The following KDM7A variants were observed in gnomAD, a reference collection of about 807,000 sequenced individuals.
KDM7A encodes lysine-specific demethylase 7A.
In KDM7A, 28 loss-of-function variants were observed where a neutral mutation model predicts 114.8. The ratio of observed to expected loss-of-function variants is 0.24; its 90% CI spans 0.18 to 0.33. KDM7A has a LOEUF of 0.33. Among genes scored for constraint, KDM7A ranks in the 10% least tolerant of loss-of-function variants. The pLI, the probability that KDM7A is intolerant of heterozygous loss-of-function variation, is 1.00. For synonymous variants in KDM7A, 423 were observed against 397.8 expected (o/e 1.06, Z -0.75); for missense variants, 942 against 1,142.5 (o/e 0.82, Z 2.53).
intron 2 of KDM7A, among the ~76,000 whole-genome samples, 157 bp downstream of exon 2, chr7:140,138,948 C>G (rs1021437971): frequency 2.0e-5 from 3 of 152,030 alleles, no homozygotes; most frequent in African/African-American, 7.2e-5. Flanking sequence ...GAAACAAAAA[C>G]TACATCCTAA....
At chr7:140,114,906 TCTGAGAAGTGAGGAGCCCCTCCGCCC>T (rs1818495475) in intron 9 of KDM7A, among the ~76,000 whole-genome samples, 3 of 147,158 alleles carry the variant, frequency 2.0e-5, no homozygotes, top group Admixed American at 6.7e-5. Context: ...AGCCGCCCCG[TCTGAGAAGTGAGGAGCCCCTCCGCCC>T]GGAAGCCGCC....
Position 140,096,587 on chromosome 7 carries a change from T to G in KDM7A, c.2342A>C (p.Gln781Pro). 1 of 1,614,222 alleles carries G rather than the reference T, an allele frequency of 6.2e-7. No individual in the cohort carries two copies. The highest frequency in any genetic ancestry group is 2.2e-5 in the East Asian group (1 of 44,888). Residue 781 changes from glutamine to proline, a missense_variant, in exon 17 of 20, where the codon CAG (glutamine) becomes CCG (proline). By Grantham distance (76) the Gln-to-Pro change is moderately conservative. Around this residue, in one of 4 missense-constraint regions of KDM7A, gnomAD observed 512 missense variants for 576.6 expected, o/e 0.89. Transcript: ENST00000397560. ...SCHGSNHEVR[Q>P]LYRYDKPVEC... ...CACTGGTTTATCATAGCGATACAAC[T>G]GCCTAACCTCATGGTTACTGCCATG...
Position 140,091,012 on chromosome 7 carries a change from G to T in KDM7A, c.*82C>A. The stretch of plus-strand genomic sequence containing the variant: ...CTTACTATACACACAAACTGCTCCA[G>T]GCAGGGGGACAGCGGAAGCTCCAGG... On this transcript the variant is annotated 3_prime_UTR_variant, in exon 20 of 20. Coordinates refer to ENST00000397560, the MANE Select transcript of KDM7A (RefSeq NM_030647.2). The T allele has an allele frequency of 1.0e-6, 1 of 959,534 alleles. No individual in the cohort carries two copies. The highest frequency in any genetic ancestry group is 1.7e-6 in the Non-Finnish European group (1 of 589,114). The allele number at this position is 959,534 out of a possible 1,614,324, so 59.4% of individuals were successfully genotyped here.
intron 1 of KDM7A, among the ~76,000 whole-genome samples, chr7:140,169,081 C>T (rs868783606): frequency 1.3e-5 from 2 of 152,180 alleles, no homozygotes; most frequent in Non-Finnish European, 2.9e-5. Flanking sequence ...TAATACCAGA[C>T]CTTGGTTTCT....
intron 1 of KDM7A, among the ~76,000 whole-genome samples, chr7:140,154,499 T>TAAAAAAAAAAA (rs397974321): frequency 1.1e-4 from 8 of 74,206 alleles, no homozygotes; most frequent in African/African-American, 9.7e-5. Context: ...CTCTTAAAAT[T>TAAAAAAAAAAA]AAAAAAAAAA....
chr7:140,106,614 T>A (rs1158072549), intron 11 of KDM7A, among the ~76,000 whole-genome samples: 1 of 152,250 alleles, frequency 6.6e-6, no homozygotes, highest in Non-Finnish European at 1.5e-5. Flanking sequence ...AGTTTCTTAA[T>A]CCTGAGTTCT....
At chr7:140,125,500 G>C (rs1818684824) in intron 6 of KDM7A, among the ~76,000 whole-genome samples, 1 of 152,222 alleles carries the variant, frequency 6.6e-6, no homozygotes, top group South Asian at 2.1e-4. Flanking sequence ...CACATGGCTA[G>C]TGGCAACTGT....
intron 11 of KDM7A, among the ~76,000 whole-genome samples, chr7:140,109,875 C>G (rs892547860): frequency 6.6e-6 from 1 of 152,174 alleles, no homozygotes; most frequent in South Asian, 2.1e-4. Context: ...CCCAAATTAT[C>G]CACTAGAAGA....
intron 1 of KDM7A, among the ~76,000 whole-genome samples, chr7:140,162,701 C>T (rs572670472): frequency 3.3e-5 from 5 of 152,082 alleles, no homozygotes; most frequent in Non-Finnish European, 5.9e-5. Flanking sequence ...AAAACAATTT[C>T]AAAATGGATA....
Position 140,130,553 on chromosome 7 carries a change from G to A in KDM7A, c.399-900C>T, listed in dbSNP as rs377420640. On this transcript the variant is annotated intron_variant, in intron 3 of 19. Transcript: ENST00000397560. ...GGAGAATCGCTTGAACCTGGGAGAC[G>A]GAGGTTGCAGTGAGCCGAGATCTCA... Among the ~76,000 whole-genome samples, 13 of 148,264 alleles carry A rather than the reference G, an allele frequency of 8.8e-5. No homozygotes were observed. The East Asian group carries it at 1.4e-3, about 16-fold the overall frequency.
At chr7:140,150,827 CTTTTTTT>C (rs922394260) in intron 1 of KDM7A, among the ~76,000 whole-genome samples, 9 of 127,866 alleles carry the variant, frequency 7.0e-5, no homozygotes, top group African/African-American at 2.3e-4. Flanking sequence ...AATCTCTGTT[CTTTTTTT>C]TTTTTTTTTT....
At chr7:140,110,401 T>C (rs1439050363) in intron 11 of KDM7A, among the ~76,000 whole-genome samples, 2 of 152,186 alleles carry the variant, frequency 1.3e-5, no homozygotes, top group African/African-American at 2.4e-5. Flanking sequence ...ATTCTATCCA[T>C]TGATATTAAA....
chr7:140,107,952 T>C (rs1818367309), intron 11 of KDM7A, among the ~76,000 whole-genome samples: 1 of 152,220 alleles, frequency 6.6e-6, no homozygotes, highest in Non-Finnish European at 1.5e-5. Context: ...CCCATATTTC[T>C]TGGAGGCTTT....
At chr7:140,136,228 T>C (rs1166144389) in intron 2 of KDM7A, among the ~76,000 whole-genome samples, 1 of 152,240 alleles carries the variant, frequency 6.6e-6, no homozygotes, top group Non-Finnish European at 1.5e-5. Flanking sequence ...ATTTCTCACA[T>C]GGAGTTGTTA....
intron 2 of KDM7A, among the ~76,000 whole-genome samples, chr7:140,133,941 T>C (rs113571348): frequency 1.1e-4 from 16 of 152,330 alleles, no homozygotes; most frequent in African/African-American, 3.8e-4. Flanking sequence ...TCCACACTTA[T>C]AGATACTATA....
At chr7:140,172,944 C>T (rs141710234) in intron 1 of KDM7A, among the ~76,000 whole-genome samples, 8 of 152,126 alleles carry the variant, frequency 5.3e-5, no homozygotes, top group Admixed American at 3.3e-4. Context: ...CTGTACTTTC[C>T]GATTTTTCCT....
intron 17 of KDM7A, chr7:140,094,801 T>C (rs1818077530): frequency 6.6e-6 from 1 of 152,228 alleles, no homozygotes; most frequent in South Asian, 2.1e-4. Context: ...CCTCAAAGAC[T>C]GTCTTTATAT....
At chr7:140,135,048 A>AC (rs1471384790) in intron 2 of KDM7A, among the ~76,000 whole-genome samples, 1 of 141,820 alleles carries the variant, frequency 7.1e-6, no homozygotes, top group Non-Finnish European at 1.6e-5. Flanking sequence ...AAAAAAAAAA[A>AC]AAAACAAACT....
At chr7:140,102,703 C>A (rs1818253095) in intron 11 of KDM7A, among the ~76,000 whole-genome samples, 1 of 152,186 alleles carries the variant, frequency 6.6e-6, no homozygotes, top group Admixed American at 6.5e-5. Context: ...TTATTAAAGG[C>A]TGTGTTGCAT....
Sources: gnomAD v4.1 joint callset for allele counts (sites outside exome capture counted in the v4.1 genomes callset) on GRCh38, gnomAD v4.1.1 for gene constraint, gnomAD v4.1.1 regional missense constraint, MANE v1.5 for transcripts, NCBI Gene and HGNC (gene_info 2026-07-23, HGNC 2026-07-21) for gene names.